The following SPAG16 variants were observed in gnomAD, a reference collection of about 807,000 sequenced individuals.
The protein encoded by SPAG16 is sperm-associated antigen 16 protein.
In SPAG16, 86 loss-of-function variants were observed where a neutral mutation model predicts 80.4. The observed-to-expected ratio is 1.07, with a 90% CI of 0.90 to 1.28. The LOEUF (loss-of-function observed/expected upper bound fraction) is 1.28, where lower values mean the gene tolerates loss of function less well. Ranked by LOEUF, SPAG16 falls within the 50% of genes most tolerant of loss-of-function variation. The probability of loss-of-function intolerance (pLI) is 0.00; values close to 1 mark genes in which losing one functional copy is unlikely to be tolerated. For missense variants in SPAG16, 870 were observed against 765.3 expected, an observed-to-expected ratio of 1.14 and a Z score of -1.61; for synonymous variants, 294 against 265.9, an observed-to-expected ratio of 1.11 and a Z score of -1.03.
At chr2:213,815,489 G>T (rs2072470340) in intron 10 of SPAG16, among the ~76,000 whole-genome samples, 1 of 152,022 alleles carries the variant, frequency 6.6e-6, no homozygotes, top group South Asian at 2.1e-4. Context: ...CAATAAATGT[G>T]ATTTCTTAAG....
At chr2:213,442,714 C>A (rs1051232608) in intron 9 of SPAG16, among the ~76,000 whole-genome samples, 2 of 151,876 alleles carry the variant, frequency 1.3e-5, no homozygotes, top group Non-Finnish European at 2.9e-5. Context: ...ATTGGACACT[C>A]GTAAAAAAAT....
intron 15 of SPAG16, among the ~76,000 whole-genome samples, chr2:214,323,321 A>AAT (rs10564214): frequency 8.7e-5 from 13 of 149,830 alleles, no homozygotes; most frequent in African/African-American, 3.2e-4. Context: ...TGTGAGATTA[A>AAT]ATATATATAT....
intron 14 of SPAG16, among the ~76,000 whole-genome samples, chr2:214,134,485 T>C (rs2054944275): frequency 6.6e-6 from 1 of 152,264 alleles, no homozygotes. Context: ...TTATTTAATT[T>C]ATTGTATGTT....
intron 10 of SPAG16, among the ~76,000 whole-genome samples, chr2:213,753,829 T>C (rs915353961): frequency 1.3e-5 from 2 of 152,170 alleles, no homozygotes; most frequent in Non-Finnish European, 2.9e-5. Context: ...CATGAAGACA[T>C]GTGTGGTCTT....
chr2:213,802,820 C>T (rs191960825), intron 10 of SPAG16, among the ~76,000 whole-genome samples: 2 of 151,816 alleles, frequency 1.3e-5, no homozygotes, highest in East Asian at 3.9e-4. Flanking sequence ...ATCTTAATGT[C>T]TTCCTTTCAC....
chr2:213,862,907 T>C (rs528608195), intron 11 of SPAG16, among the ~76,000 whole-genome samples: 1 of 152,298 alleles, frequency 6.6e-6, no homozygotes, highest in African/African-American at 2.4e-5. Flanking sequence ...TTCCTTGTGC[T>C]CACGAGCCCT....
At chr2:213,448,047 T>C (rs112983349) in intron 9 of SPAG16, among the ~76,000 whole-genome samples, 6,233 of 152,360 alleles carry the variant, frequency 0.041, 223 homozygotes, top group African/African-American at 0.088. Flanking sequence ...TCTGTTCAAA[T>C]GGCTTATTTT....
intron 10 of SPAG16, among the ~76,000 whole-genome samples, chr2:213,635,001 T>G (rs900256857): frequency 2.0e-5 from 3 of 152,002 alleles, no homozygotes; most frequent in African/African-American, 7.2e-5. Context: ...CTCTTGTTGA[T>G]TTATGTGCAT....
At chr2:213,342,825 G>A (rs1169055729) in intron 6 of SPAG16, among the ~76,000 whole-genome samples, 2 of 151,680 alleles carry the variant, frequency 1.3e-5, no homozygotes, top group African/African-American at 4.8e-5. Context: ...AAGCAGGACC[G>A]TGATGCCTAA....
At chr2:214,360,192 C>A (rs148180489) in intron 15 of SPAG16, among the ~76,000 whole-genome samples, 39 of 151,920 alleles carry the variant, frequency 2.6e-4, no homozygotes, top group African/African-American at 8.7e-4. Flanking sequence ...CCTTTAATAG[C>A]TCTCCCAGCC....
chr2:213,624,568 T>C (rs77266474), intron 10 of SPAG16, among the ~76,000 whole-genome samples: 7,201 of 152,206 alleles, frequency 0.047, 565 homozygotes, highest in African/African-American at 0.16. Flanking sequence ...AAACTAAATG[T>C]CTTCCTTTTG....
At chr2:214,175,422 G>C (rs903353264) in intron 15 of SPAG16, among the ~76,000 whole-genome samples, 1 of 150,620 alleles carries the variant, frequency 6.6e-6, no homozygotes, top group African/African-American at 2.4e-5. Flanking sequence ...ACATGAGTAC[G>C]TCTCATCTCA....
At chr2:214,288,773 T>TTATTTATTTATG (rs1404164825) in intron 15 of SPAG16, among the ~76,000 whole-genome samples, 1 of 150,708 alleles carries the variant, frequency 6.6e-6, no homozygotes, top group Admixed American at 6.6e-5. Flanking sequence ...ATTTATTTAT[T>TTATTTATTTATG]TATTTATTTA....
In SPAG16 at chr2:213,334,469, G is replaced by T. The variant is rs1466895784; in HGVS notation, c.537-5694G>T. ...TACTGCTGGGTGTATATACCCAAAAGAAAGGAAATCAGTATATCAAAGAGA... is the reference window on the plus strand; with the variant it reads ...TACTGCTGGGTGTATATACCCAAAATAAAGGAAATCAGTATATCAAAGAGA... On this transcript the variant is annotated intron_variant, in intron 5 of 15. Transcript: ENST00000331683. Among the ~76,000 whole-genome samples, 4 of 152,258 alleles carry T rather than the reference G, an allele frequency of 2.6e-5. No homozygotes were observed. The East Asian group carries it at 5.8e-4, about 22-fold the overall frequency.
intron 3 of SPAG16, among the ~76,000 whole-genome samples, chr2:213,300,374 C>T (rs951450681): frequency 6.6e-6 from 1 of 152,116 alleles, no homozygotes; most frequent in Non-Finnish European, 1.5e-5. Context: ...CTGACCCAAG[C>T]GAGAATGTTC....
At chr2:214,056,024 G>C (rs1344608652) in intron 13 of SPAG16, among the ~76,000 whole-genome samples, 2 of 152,054 alleles carry the variant, frequency 1.3e-5, no homozygotes, top group Non-Finnish European at 2.9e-5. Flanking sequence ...ATGATCCCTG[G>C]TTGGTGTTCA....
rs1346965776 is a variant in SPAG16 at position 213,849,169 on chromosome 2, A to G, written c.1071-13316A>G. ...GCATAGGGTGACAGAGAGCCAGCTT[A>G]TGCACAGATCACACGGCAGGAGATG... On this transcript the variant is annotated intron_variant, in intron 10 of 15. Coordinates refer to ENST00000331683, the MANE Select transcript of SPAG16 (RefSeq NM_024532.5). Among the ~76,000 whole-genome samples the G allele has an allele frequency of 3.3e-5, 5 of 152,280 alleles. No homozygotes were observed. In the South Asian group the frequency reaches 1.0e-3, roughly 32 times the overall value.
chr2:213,382,335 A>G (rs1243828881), intron 9 of SPAG16, among the ~76,000 whole-genome samples: 1 of 152,238 alleles, frequency 6.6e-6, no homozygotes, highest in African/African-American at 2.4e-5. Context: ...ATAAGTCCTC[A>G]GTATCTGTCA....
rs147098437 is a variant in SPAG16, at chr2:213,319,410, G to A, written c.536+2054G>A. On this transcript the variant is annotated intron_variant, in intron 5 of 15. Coordinates refer to ENST00000331683, the MANE Select transcript of SPAG16 (RefSeq NM_024532.5). The stretch of plus-strand genomic sequence containing the variant: ...TGTTTTTGCAAGGTATATAAATTTT[G>A]TATTGTCTATGGATGTAATGTACCA... 7.9e-5 allele frequency among the ~76,000 whole-genome samples: 12 copies of A among 151,962 alleles called. No individual in the cohort carries two copies. The East Asian group carries it at 1.7e-3, about 22-fold the overall frequency.
Sources: allele counts gnomAD v4.1 joint callset (sites outside exome capture counted in the v4.1 genomes callset), GRCh38; gene constraint gnomAD v4.1.1; transcripts MANE v1.5; gene names NCBI Gene and HGNC (gene_info 2026-07-23, HGNC 2026-07-21).